The following GYS2 variants were observed in gnomAD, a reference collection of about 807,000 sequenced individuals.
GYS2 encodes glycogen synthase 2.
GYS2 carries 80 observed loss-of-function variants against 85.6 expected under a neutral mutation model. That is an observed-to-expected ratio of 0.93 (90% CI 0.78 to 1.13). GYS2 has a LOEUF of 1.13. GYS2 is among the 50% of genes most tolerant of loss of function. GYS2 has a pLI of 0.00. For missense variants in GYS2, 881 were observed against 854.9 expected (o/e 1.03, Z -0.38); for synonymous variants, 328 against 300.7 (o/e 1.09, Z -0.94).
In GYS2 at chr12:21,559,175, G is replaced by A. The variant is rs759806977; in HGVS notation, c.1230-6C>T. On this transcript the variant is annotated splice_region_variant and splice_polypyrimidine_tract_variant and intron_variant, in intron 9 of 15. Coordinates refer to ENST00000261195, the MANE Select transcript of GYS2 (RefSeq NM_021957.4). ...TCAGGTCAGGAATTTCTCCTCTGCAGGGAAAAAATGTTAATAACAAAAATA... is the reference window on the plus strand; with the variant it reads ...TCAGGTCAGGAATTTCTCCTCTGCAAGGAAAAAATGTTAATAACAAAAATA... 3 of 1,568,772 alleles carry A rather than the reference G, an allele frequency of 1.9e-6. No individual in the cohort carries two copies. The South Asian group carries it at 3.3e-5, about 17-fold the overall frequency.
chr12:21,600,300 T>G (rs907787668), intron 1 of GYS2, among the ~76,000 whole-genome samples: 13 of 152,004 alleles, frequency 8.6e-5, no homozygotes, highest in Non-Finnish European at 1.5e-5. Context: ...AGAAATTTTT[T>G]AAATTTCTGT....
intron 1 of GYS2, among the ~76,000 whole-genome samples, chr12:21,597,450 A>C (rs190728307): frequency 6.6e-6 from 1 of 152,136 alleles, no homozygotes; most frequent in African/African-American, 2.4e-5. Context: ...ATTGCTCAAC[A>C]TTACTAATCA....
intron 12 of GYS2, among the ~76,000 whole-genome samples, chr12:21,545,262 A>G (rs1001300505): frequency 2.0e-5 from 3 of 152,246 alleles, no homozygotes; most frequent in African/African-American, 7.2e-5. Context: ...GGCCAACATG[A>G]TGAAACCTGT....
At chr12:21,602,811 C>T (rs1944768939) in intron 1 of GYS2, among the ~76,000 whole-genome samples, 1 of 151,968 alleles carries the variant, frequency 6.6e-6, no homozygotes, top group Admixed American at 6.6e-5. Flanking sequence ...CTGGCGTGTT[C>T]CCAGTGCCCA....
At chr12:21,598,335 A>G (rs566163501) in intron 1 of GYS2, among the ~76,000 whole-genome samples, 13 of 152,164 alleles carry the variant, frequency 8.5e-5, no homozygotes, top group African/African-American at 2.9e-4. Flanking sequence ...CACGTCATAT[A>G]TCAATAAAAG....
intron 5 of GYS2, among the ~76,000 whole-genome samples, chr12:21,567,617 C>A: frequency 6.6e-6 from 1 of 150,876 alleles, no homozygotes; most frequent in African/African-American, 2.4e-5. Flanking sequence ...AGAGACAAGA[C>A]CACAGAAATT....
chr12:21,588,789 T>G (rs1944601944), intron 1 of GYS2, among the ~76,000 whole-genome samples: 1 of 152,232 alleles, frequency 6.6e-6, no homozygotes. Flanking sequence ...ATCTACTACA[T>G]CTAAGTATTT....
intron 4 of GYS2, among the ~76,000 whole-genome samples, chr12:21,572,251 A>G (rs955993455): frequency 2.0e-5 from 3 of 152,186 alleles, no homozygotes; most frequent in Non-Finnish European, 2.9e-5. Flanking sequence ...AATTGTTTTC[A>G]GTTAGCAGTA....
At chr12:21,567,679 C>T (rs1258910371) in intron 5 of GYS2, among the ~76,000 whole-genome samples, 1 of 151,908 alleles carries the variant, frequency 6.6e-6, no homozygotes, top group Non-Finnish European at 1.5e-5. Flanking sequence ...TAATATAAAC[C>T]TACTAATGCT....
chr12:21,603,781 T>C (rs1944778547), intron 1 of GYS2, among the ~76,000 whole-genome samples: 1 of 152,168 alleles, frequency 6.6e-6, no homozygotes, highest in Non-Finnish European at 1.5e-5. Flanking sequence ...TTTATAATTT[T>C]ACAGATGTCT....
intron 11 of GYS2, among the ~76,000 whole-genome samples, chr12:21,551,913 G>T (rs1944115412): frequency 6.6e-6 from 1 of 152,136 alleles, no homozygotes; most frequent in Non-Finnish European, 1.5e-5. Context: ...CTTAGGAAAA[G>T]TTGCCCTCTC....
chr12:21,538,099 T>A (rs1445385140), intron 15 of GYS2, among the ~76,000 whole-genome samples: 1 of 152,186 alleles, frequency 6.6e-6, no homozygotes, highest in Non-Finnish European at 1.5e-5. Flanking sequence ...AATAAGTAGA[T>A]AAGCAGATAA....
At chr12:21,534,113 C>T (rs548115939), downstream of GYS2, among the ~76,000 whole-genome samples, 61 of 152,240 alleles carry the variant, frequency 4.0e-4, 1 homozygote, top group Admixed American at 3.5e-3. Context: ...TATGATGGTT[C>T]GATTTATGAT....
chr12:21,561,399 G>A (rs988047179), intron 7 of GYS2, among the ~76,000 whole-genome samples: 10 of 152,112 alleles, frequency 6.6e-5, no homozygotes, highest in South Asian at 2.1e-4. Flanking sequence ...GCACTTTACC[G>A]TCTAGTATGC....
intron 1 of GYS2, 132 bp from the exon 2 acceptor site, chr12:21,580,655 C>G (rs1250565796): frequency 1.4e-6 from 1 of 737,330 alleles, no homozygotes; most frequent in African/African-American, 1.7e-5. Flanking sequence ...ATTTACCTTT[C>G]AAAAATAATA....
chr12:21,574,449 C>G, intron 3 of GYS2, 123 bp from the exon 4 acceptor site: 1 of 716,330 alleles, frequency 1.4e-6, no homozygotes, highest in Non-Finnish European at 2.4e-6. Context: ...GGAGTCGAAA[C>G]ATAAAGCATG....
chr12:21,537,992 C>G (rs1203253211), intron 15 of GYS2, among the ~76,000 whole-genome samples: 5 of 152,138 alleles, frequency 3.3e-5, no homozygotes, highest in African/African-American at 1.2e-4. Context: ...GGTTCAGATA[C>G]TTTACCTGTC....
chr12:21,542,584 G>A lies in GYS2; in HGVS notation c.1557C>T (p.Cys519=), dbSNP rs1186114719. 3 of 1,610,280 alleles carry A rather than the reference G, an allele frequency of 1.9e-6. No homozygotes were observed. The highest frequency in any genetic ancestry group is 2.5e-6 in the Non-Finnish European group (3 of 1,176,650). ...TCACACTGGGGATACCCATCACAGT[G>A]CATTCAGCTGCCAGGGGAAATAGAC... ...YEPWGYTPAE[C]TVMGIPSVTT... Residue 519 remains cysteine, a synonymous_variant, in exon 13 of 16, where the codon TGC becomes TGT. Coordinates refer to ENST00000261195, the MANE Select transcript of GYS2 (RefSeq NM_021957.4).
chr12:21,539,117 CCT>C, intron 15 of GYS2, 139 bp downstream of exon 15: 2 of 632,342 alleles, frequency 3.2e-6, no homozygotes, highest in Non-Finnish European at 2.8e-6. Context: ...TTTGTGAGTT[CCT>C]CTCTCTCTCC....
Sources: allele counts gnomAD v4.1 joint callset (sites outside exome capture counted in the v4.1 genomes callset), GRCh38; gene constraint gnomAD v4.1.1; transcripts MANE v1.5; gene names NCBI Gene and HGNC (gene_info 2026-07-23, HGNC 2026-07-21).